Variants in ANKFN1 observed in about 807,000 individuals in gnomAD.
ANKFN1 encodes the protein ankyrin repeat and fibronectin type-III domain-containing protein 1.
A neutral mutation model predicts 108.7 loss-of-function variants in ANKFN1; 74 were observed. That is an observed-to-expected ratio of 0.68 (90% CI 0.56 to 0.83). The LOEUF (loss-of-function observed/expected upper bound fraction) is 0.83. ANKFN1 is among the 40% of genes least tolerant of loss of function. ANKFN1 has a pLI of 0.00. For synonymous variants in ANKFN1, 547 were observed against 516.2 expected, an observed-to-expected ratio of 1.06 and a Z score of -0.81; for missense variants, 1,505 against 1,382.3, an observed-to-expected ratio of 1.09 and a Z score of -1.41.
intron 3 of ANKFN1, chr17:56,323,347 C>G (rs2045423350): frequency 6.6e-6 from 1 of 152,606 alleles, no homozygotes; most frequent in South Asian, 2.1e-4. Context: ...CCAGAGAAAT[C>G]TTCCTAAAAC....
At position 56,510,677 on chromosome 17, in the gene ANKFN1, G is replaced by T. The variant is rs1311535235; in HGVS notation, c.2849G>T (p.Gly950Val). The T allele has an allele frequency of 6.5e-7, 1 of 1,536,138 alleles. No individual in the cohort carries two copies. Among genetic ancestry groups the T allele is most frequent in the Non-Finnish European group, 8.7e-7 (1 of 1,146,910 alleles). Reference sequence around the variant, plus strand: ...GTGCACGACGTGAAAACCCCTCTGGGGCCGGGCCAGGATCCCCAGGGCGAG... The same window carrying T: ...GTGCACGACGTGAAAACCCCTCTGGTGCCGGGCCAGGATCCCCAGGGCGAG... ...LQVHDVKTPL[G>V]PGQDPQGEGP... is the part of the protein sequence containing the mutation. Residue 950 changes from glycine (G) to valine (V), a missense_variant, in exon 21 of 21, where the codon GGG (glycine) becomes GTG (valine). Coordinates refer to ENST00000682825, the MANE Select transcript of ANKFN1 (RefSeq NM_001370326.1).
At chr17:56,401,373 G>GTATTGTATTGTA (rs1567974215) in intron 8 of ANKFN1, among the ~76,000 whole-genome samples, 256 of 23,728 alleles carry the variant, frequency 0.011, 2 homozygotes, top group African/African-American at 0.015. Context: ...ATTGTATTGT[G>GTATTGTATTGTA]TTGTGTTGTG....
At chr17:56,431,376 T>G (rs2048748759) in intron 8 of ANKFN1, among the ~76,000 whole-genome samples, 1 of 152,222 alleles carries the variant, frequency 6.6e-6, no homozygotes, top group African/African-American at 2.4e-5. Context: ...TTTCATTAAA[T>G]GGTTTCTCCT....
chr17:56,129,575 G>T (rs139082777), intron 4 of ANKFN1, among the ~76,000 whole-genome samples: 1 of 151,702 alleles, frequency 6.6e-6, no homozygotes, highest in Non-Finnish European at 1.5e-5. Context: ...GAAACATAAG[G>T]TTACTTTCTG....
At chr17:56,365,469 GTGT>G (rs2046634659) in intron 6 of ANKFN1, among the ~76,000 whole-genome samples, 1 of 152,172 alleles carries the variant, frequency 6.6e-6, no homozygotes, top group African/African-American at 2.4e-5. Context: ...TATAAGACAA[GTGT>G]TGTTACAATG....
chr17:56,265,341 C>T (rs537176136), intron 3 of ANKFN1, among the ~76,000 whole-genome samples: 63 of 152,190 alleles, frequency 4.1e-4, no homozygotes, highest in African/African-American at 1.3e-3. Context: ...AGGTATCAGG[C>T]GAGAAAGAGA....
At chr17:56,461,557 G>A (rs1008612780) in intron 14 of ANKFN1, among the ~76,000 whole-genome samples, 2 of 152,136 alleles carry the variant, frequency 1.3e-5, no homozygotes, top group African/African-American at 4.8e-5. Flanking sequence ...CCAGGTCTCA[G>A]CTTAACTTTT....
chr17:56,345,759 T>G (rs1163158036), intron 4 of ANKFN1, among the ~76,000 whole-genome samples: 1 of 152,236 alleles, frequency 6.6e-6, no homozygotes, highest in Non-Finnish European at 1.5e-5. Context: ...TGTAAATTTA[T>G]TTAAGTACCT....
At chr17:56,315,298 A>AAAACTCC (rs2144471090) in intron 3 of ANKFN1, among the ~76,000 whole-genome samples, 1 of 152,342 alleles carries the variant, frequency 6.6e-6, no homozygotes, top group African/African-American at 2.4e-5. Context: ...AATGTCACAG[A>AAAACTCC]AAACTCCCAC....
chr17:56,234,985 C>T (rs969577816), intron 3 of ANKFN1, among the ~76,000 whole-genome samples: 6 of 152,050 alleles, frequency 3.9e-5, no homozygotes, highest in African/African-American at 1.4e-4. Context: ...TCTAAGTGTT[C>T]CCTCTTCTCT....
chr17:56,383,657 G>A lies in ANKFN1; in HGVS notation c.910+8943G>A, dbSNP rs1334652410. Among the ~76,000 whole-genome samples the A allele has an allele frequency of 1.2e-4, 18 of 151,826 alleles. No individual in the cohort carries two copies. In the East Asian group the frequency reaches 1.9e-3, roughly 16 times the overall value. ...AAATGATAAAGGGGATATCACCACC[G>A]ATCCCACAGAAATACAAACTACCAT... is the stretch of plus-strand genomic sequence containing the variant. On this transcript the variant is annotated intron_variant, in intron 8 of 20. Coordinates refer to ENST00000682825, the MANE Select transcript of ANKFN1 (RefSeq NM_001370326.1).
chr17:56,170,805 T>TACACACACACACACACAC (rs1383558821), intron 1 of ANKFN1, among the ~76,000 whole-genome samples: 1,000 of 71,848 alleles, frequency 0.014, 6 homozygotes, highest in South Asian at 0.025. Context: ...TATATATATA[T>TACACACACACACACACAC]ATACACACAC....
intron 4 of ANKFN1, among the ~76,000 whole-genome samples, chr17:56,342,698 G>C (rs1326438624): frequency 6.6e-6 from 1 of 152,062 alleles, no homozygotes; most frequent in Non-Finnish European, 1.5e-5. Context: ...TTACTAAGGA[G>C]TGTTTTACTT....
intron 4 of ANKFN1, among the ~76,000 whole-genome samples, chr17:56,110,156 G>T (rs72829728): frequency 0.038 from 5,772 of 152,226 alleles, 120 homozygotes; most frequent in Middle Eastern, 0.082. Context: ...GCCTGAAAGC[G>T]GTCCAGCCTC....
At chr17:56,118,751 A>G (rs1420132562) in intron 4 of ANKFN1, among the ~76,000 whole-genome samples, 2 of 152,200 alleles carry the variant, frequency 1.3e-5, no homozygotes, top group African/African-American at 4.8e-5. Flanking sequence ...CTATTTACTC[A>G]GTCCACAATA....
At chr17:56,134,002 C>A (rs894416522) in intron 4 of ANKFN1, among the ~76,000 whole-genome samples, 2 of 152,038 alleles carry the variant, frequency 1.3e-5, no homozygotes, top group African/African-American at 4.8e-5. Context: ...TGATGCCAAT[C>A]GCAAGTAGTA....
intron 9 of ANKFN1, among the ~76,000 whole-genome samples, chr17:56,442,256 G>T (rs967764660): frequency 6.6e-6 from 1 of 152,126 alleles, no homozygotes; most frequent in African/African-American, 2.4e-5. Context: ...CAAAATGTGG[G>T]AACCATCTAA....
chr17:56,263,140 C>A (rs1425833202), intron 3 of ANKFN1, among the ~76,000 whole-genome samples: 2 of 152,234 alleles, frequency 1.3e-5, no homozygotes, highest in Admixed American at 6.5e-5. Context: ...AACAAGTTCA[C>A]AGGCCATTGC....
chr17:56,226,387 T>A (rs1415014585), intron 2 of ANKFN1, among the ~76,000 whole-genome samples: 1 of 152,172 alleles, frequency 6.6e-6, no homozygotes, highest in Admixed American at 6.5e-5. Context: ...TTTAATAATT[T>A]AACAATTTGT....
Sources: allele counts gnomAD v4.1 joint callset (sites outside exome capture counted in the v4.1 genomes callset), GRCh38; gene constraint gnomAD v4.1.1; transcripts MANE v1.5; gene names NCBI Gene and HGNC (gene_info 2026-07-23, HGNC 2026-07-21).